AFAP1: variants seen among roughly 807,000 people sequenced by gnomAD.
The protein encoded by AFAP1 is actin filament associated protein 1.
In AFAP1, 75 loss-of-function variants were observed where a neutral mutation model predicts 93.9. The ratio of observed to expected loss-of-function variants is 0.80; its 90% confidence interval spans 0.66 to 0.97. AFAP1 has a LOEUF of 0.97. AFAP1 is among the 50% of genes least tolerant of loss of function. The pLI, the probability that AFAP1 is intolerant of heterozygous loss-of-function variation, is 0.00. For missense variants in AFAP1, 1,201 were observed against 1,050.8 expected, an observed-to-expected ratio of 1.14 and a Z score of -1.98; for synonymous variants, 517 against 430.7, an observed-to-expected ratio of 1.20 and a Z score of -2.48.
At chr4:7,881,493 G>A (rs910653918) in intron 1 of AFAP1, among the ~76,000 whole-genome samples, 1 of 152,098 alleles carries the variant, frequency 6.6e-6, no homozygotes, top group African/African-American at 2.4e-5. Flanking sequence ...TTAGAAACCC[G>A]GACTCTGGGC....
intron 1 of AFAP1, among the ~76,000 whole-genome samples, chr4:7,913,262 C>T (rs1175206743): frequency 2.0e-5 from 3 of 151,986 alleles, no homozygotes; most frequent in Non-Finnish European, 4.4e-5. Flanking sequence ...TGGTGTTGCA[C>T]ACCTGTGGTC....
At position 7,902,329 on chromosome 4, in the gene AFAP1, T is replaced by G. The variant is rs186097527; in HGVS notation, c.-2-30249A>C. Among the ~76,000 whole-genome samples, 3 of 152,286 alleles carry G rather than the reference T, an allele frequency of 2.0e-5. No homozygotes were observed. The East Asian group carries it at 5.8e-4, about 29-fold the overall frequency. On this transcript the variant is annotated intron_variant, in intron 1 of 17. Coordinates refer to ENST00000420658, the MANE Select transcript of AFAP1 (RefSeq NM_001134647.2). ...CTTCTCCTGCCATGCAAATTTAAAATTAATAAGCCTGCTATTAGAGAACAG... is the reference window on the plus strand; with the variant it reads ...CTTCTCCTGCCATGCAAATTTAAAAGTAATAAGCCTGCTATTAGAGAACAG...
In AFAP1 at chr4:7,759,706, GCTGCAGGGCACC is replaced by G. The variant is rs1315663854; in HGVS notation, c.*4047_*4058del. On this transcript the variant is annotated 3_prime_UTR_variant, in exon 18 of 18. Transcript: ENST00000420658. ...AAACATTGCCACGACCTTTATGTAA[GCTGCAGGGCACC>G]CTGCCGGCCAACCCTGATGCCTGGA... The G allele has an allele frequency of 6.6e-6, 1 of 152,550 alleles. No homozygotes were observed. The highest frequency in any genetic ancestry group is 1.9e-4 in the East Asian group (1 of 5,194). 9.4% of individuals were successfully genotyped at this position (152,550 alleles called of 1,614,324 possible). A position where few individuals can be genotyped will look rare whatever the true frequency, so the allele number is the denominator to read the frequency against.
In AFAP1 at chr4:7,762,086, A is replaced by G. The variant is rs540894840; in HGVS notation, c.*1679T>C. On this transcript the variant is annotated 3_prime_UTR_variant, in exon 18 of 18. Coordinates refer to ENST00000420658, the MANE Select transcript of AFAP1 (RefSeq NM_001134647.2). Reference sequence around the variant, plus strand: ...TTCAGGTGGACTCAAGCAGCTTCCAATTCGTGTTGTAAAACTTTTTCTTAT... The same window carrying G: ...TTCAGGTGGACTCAAGCAGCTTCCAGTTCGTGTTGTAAAACTTTTTCTTAT... 1 of 152,336 alleles carries G rather than the reference A, an allele frequency of 6.6e-6. No homozygotes were observed. The highest frequency in any genetic ancestry group is 2.4e-5 in the African/African-American group (1 of 41,570). 9.4% of individuals were successfully genotyped at this position (152,336 alleles called of 1,614,324 possible).
chr4:7,919,612 G>A lies in AFAP1; in HGVS notation c.-3+20044C>T, dbSNP rs144886542. Reference sequence around the variant, plus strand: ...TTCTGTTTCACTGAATGAAACCTGCGGATTTTTTGTTTAGTCTTTTATTTT... The same window carrying A: ...TTCTGTTTCACTGAATGAAACCTGCAGATTTTTTGTTTAGTCTTTTATTTT... On this transcript the variant is annotated intron_variant, in intron 1 of 17. Transcript: ENST00000420658. Among the ~76,000 whole-genome samples the A allele has an allele frequency of 1.8e-3, 273 of 152,186 alleles. 5 individuals carry two copies. The East Asian group carries it at 0.047, about 26-fold the overall frequency.
intron 6 of AFAP1, among the ~76,000 whole-genome samples, chr4:7,827,916 G>A (rs777806502): frequency 2.3e-4 from 35 of 152,196 alleles, no homozygotes; most frequent in Admixed American, 7.8e-4. Flanking sequence ...CAGAAGATTC[G>A]CTGTATAAAA....
At chr4:7,795,115 T>C (rs12512166) in intron 10 of AFAP1, among the ~76,000 whole-genome samples, 18,189 of 152,198 alleles carry the variant, frequency 0.12, 1,318 homozygotes, top group East Asian at 0.28. Context: ...AAATATTCCA[T>C]GCAATGTATA....
chr4:7,776,161 T>C (rs1423289244), intron 14 of AFAP1: 2 of 152,216 alleles, frequency 1.3e-5, no homozygotes, highest in Non-Finnish European at 2.9e-5. Context: ...CAGGCCTTCC[T>C]GACTGCACAC....
intron 1 of AFAP1, among the ~76,000 whole-genome samples, chr4:7,887,152 G>A (rs1304519087): frequency 6.6e-6 from 1 of 152,222 alleles, no homozygotes; most frequent in Non-Finnish European, 1.5e-5. Context: ...GGAGACTGGA[G>A]TAGGAAGGGG....
chr4:7,761,758 A>G lies in AFAP1; in HGVS notation c.*2007T>C, dbSNP rs531158365. 2.0e-5 allele frequency: 3 copies of G among 152,340 alleles called. No individual in the cohort carries two copies. Among genetic ancestry groups the G allele is most frequent in the Admixed American group, 6.5e-5 (1 of 15,298 alleles). The allele number at this position is 152,340 out of a possible 1,614,324, so 9.4% of individuals were successfully genotyped here. On this transcript the variant is annotated 3_prime_UTR_variant, in exon 18 of 18. Transcript: ENST00000420658. Reference sequence around the variant, plus strand: ...ACTTTTTTCCCTTTATAGAAAATTCATTTTGTGTGATATGAAGTGGGCCCA... The same window carrying G: ...ACTTTTTTCCCTTTATAGAAAATTCGTTTTGTGTGATATGAAGTGGGCCCA...
intron 1 of AFAP1, among the ~76,000 whole-genome samples, chr4:7,884,564 C>A (rs572030165): frequency 1.8e-4 from 27 of 152,226 alleles, no homozygotes; most frequent in Admixed American, 7.2e-4. Flanking sequence ...GTAATAGACC[C>A]AAATACACAC....
intron 10 of AFAP1, among the ~76,000 whole-genome samples, chr4:7,794,661 A>G (rs1718215352): frequency 6.6e-6 from 1 of 151,836 alleles, no homozygotes; most frequent in African/African-American, 2.4e-5. Context: ...AGCTGGGACT[A>G]CAGGTGCTCA....
chr4:7,806,272 T>A (rs374265304), intron 9 of AFAP1, among the ~76,000 whole-genome samples: 5 of 152,226 alleles, frequency 3.3e-5, no homozygotes, highest in African/African-American at 1.2e-4. Flanking sequence ...CCTCGCCACA[T>A]TAATATGAAA....
At chr4:7,825,341 G>A (rs559185565) in intron 6 of AFAP1, among the ~76,000 whole-genome samples, 6 of 152,100 alleles carry the variant, frequency 3.9e-5, no homozygotes, top group African/African-American at 1.4e-4. Context: ...CAGTTCTTTA[G>A]TTTTTAAAAA....
chr4:7,929,887 A>C (rs189001492), intron 1 of AFAP1, among the ~76,000 whole-genome samples: 2 of 152,236 alleles, frequency 1.3e-5, no homozygotes, highest in Non-Finnish European at 2.9e-5. Flanking sequence ...CAGGACCGTT[A>C]TAATAGCTTC....
intron 12 of AFAP1, 79 bp downstream of exon 12, chr4:7,786,115 C>T: frequency 7.5e-7 from 1 of 1,341,724 alleles, no homozygotes; most frequent in Non-Finnish European, 1.1e-6. Context: ...GACCTGAAAC[C>T]AGGGGAACTG....
chr4:7,918,092 C>T (rs1047892167), intron 1 of AFAP1, among the ~76,000 whole-genome samples: 1 of 152,226 alleles, frequency 6.6e-6, no homozygotes. Context: ...GTTTTGCTTG[C>T]TGTGAAAAGA....
At chr4:7,889,604 C>A (rs778639629) in intron 1 of AFAP1, among the ~76,000 whole-genome samples, 3 of 144,410 alleles carry the variant, frequency 2.1e-5, no homozygotes, top group Non-Finnish European at 3.0e-5. Context: ...TTTTCATATT[C>A]TTTATCTCAC....
intron 15 of AFAP1, 85 bp from the exon 16 acceptor site, chr4:7,773,095 C>A: frequency 6.7e-7 from 1 of 1,493,828 alleles, no homozygotes; most frequent in Non-Finnish European, 8.9e-7. Context: ...CCAAGAAGAA[C>A]TTCCACAAAA....
Sources: gnomAD v4.1 joint callset for allele counts (sites outside exome capture counted in the v4.1 genomes callset) on GRCh38, gnomAD v4.1.1 for gene constraint, MANE v1.5 for transcripts, NCBI Gene and HGNC (gene_info 2026-07-23, HGNC 2026-07-21) for gene names.